SGMS1: variants seen among roughly 807,000 people sequenced by gnomAD.
SGMS1 encodes the protein phosphatidylcholine:ceramide cholinephosphotransferase 1.
Under a neutral mutation model 46.2 loss-of-function variants are expected in SGMS1, and 13 were observed. The ratio of observed to expected loss-of-function variants is 0.28; its 90% confidence interval spans 0.18 to 0.45. SGMS1 has a LOEUF of 0.45. Among genes scored for constraint, SGMS1 ranks in the 20% least tolerant of loss-of-function variants. The pLI is 1.00. For synonymous variants in SGMS1, 203 were observed against 187.8 expected (o/e 1.08, Z -0.66); for missense variants, 324 against 519.9 (o/e 0.62, Z 3.66).
At chr10:50,514,602 A>G (rs929367359) in intron 3 of SGMS1, among the ~76,000 whole-genome samples, 3 of 152,220 alleles carry the variant, frequency 2.0e-5, no homozygotes, top group Non-Finnish European at 1.5e-5. Context: ...AGGTCATGCC[A>G]CATCTTTGGG....
intron 3 of SGMS1, among the ~76,000 whole-genome samples, chr10:50,488,154 T>G (rs1198942013): frequency 6.6e-6 from 1 of 151,778 alleles, no homozygotes; most frequent in Non-Finnish European, 1.5e-5. Context: ...GCTGGGATTA[T>G]AAGCGCCCGC....
In SGMS1 at chr10:50,458,127, C is replaced by T. The variant is rs549984446; in HGVS notation, c.-313+2546G>A. ...ACCTCGTTGATGAACAACACCAAGC[C>T]CATCTAGAAGCTTTCGCTTCTGTGA... On this transcript the variant is annotated intron_variant, in intron 5 of 10. Coordinates refer to ENST00000361781, the MANE Select transcript of SGMS1 (RefSeq NM_147156.4). 2.5e-4 allele frequency among the ~76,000 whole-genome samples: 38 copies of T among 152,304 alleles called. 1 individual carries two copies. The highest frequency in any genetic ancestry group is 3.4e-3 in the Middle Eastern group (1 of 294).
chr10:50,548,447 A>G (rs1371262293), intron 2 of SGMS1, among the ~76,000 whole-genome samples: 1 of 152,232 alleles, frequency 6.6e-6, no homozygotes, highest in Non-Finnish European at 1.5e-5. Flanking sequence ...CCTGACAAAA[A>G]CAAGCAATGG....
intron 2 of SGMS1, among the ~76,000 whole-genome samples, chr10:50,551,675 A>G (rs188441912): frequency 4.5e-4 from 69 of 152,188 alleles, no homozygotes; most frequent in African/African-American, 1.3e-3. Flanking sequence ...AAAGTATTCT[A>G]AAATTAAAAG....
chr10:50,451,594 C>T (rs769931793), intron 5 of SGMS1, among the ~76,000 whole-genome samples: 36 of 152,096 alleles, frequency 2.4e-4, no homozygotes, highest in Non-Finnish European at 5.0e-4. Flanking sequence ...TCAGAGAGGA[C>T]TACTTGCATT....
chr10:50,546,101 A>T (rs1237070808), intron 2 of SGMS1, among the ~76,000 whole-genome samples: 1 of 152,140 alleles, frequency 6.6e-6, no homozygotes, highest in Non-Finnish European at 1.5e-5. Context: ...AGACTGCTTG[A>T]TGGCCACCAG....
intron 3 of SGMS1, among the ~76,000 whole-genome samples, chr10:50,485,649 C>T (rs896331647): frequency 1.3e-5 from 2 of 152,154 alleles, no homozygotes; most frequent in African/African-American, 4.8e-5. Context: ...CCCATAATCC[C>T]AGCACTTTGG....
chr10:50,419,999 A>T (rs1161681404), intron 6 of SGMS1, among the ~76,000 whole-genome samples: 1 of 152,234 alleles, frequency 6.6e-6, no homozygotes, highest in East Asian at 1.9e-4. Flanking sequence ...CAGCTCTGCC[A>T]GTAAGTGACA....
At chr10:50,369,911 GTATAGCC>G (rs1848408276) in intron 6 of SGMS1, among the ~76,000 whole-genome samples, 1 of 152,206 alleles carries the variant, frequency 6.6e-6, no homozygotes, top group Admixed American at 6.5e-5. Context: ...AGGCTGTATG[GTATAGCC>G]TATTGCTTCT....
At chr10:50,540,219 A>G (rs981294120) in intron 2 of SGMS1, among the ~76,000 whole-genome samples, 7 of 152,208 alleles carry the variant, frequency 4.6e-5, no homozygotes, top group African/African-American at 1.7e-4. Flanking sequence ...AGAAATGTCA[A>G]ATAGGTTTCA....
chr10:50,532,844 G>A (rs1217186680), intron 2 of SGMS1, among the ~76,000 whole-genome samples: 1 of 152,182 alleles, frequency 6.6e-6, no homozygotes, highest in Non-Finnish European at 1.5e-5. Flanking sequence ...TGTGACTGCA[G>A]AATAGACTGA....
chr10:50,402,989 G>A (rs55861418), intron 6 of SGMS1, among the ~76,000 whole-genome samples: 28,815 of 151,956 alleles, frequency 0.19, 2,948 homozygotes, highest in Admixed American at 0.24. Flanking sequence ...TTGGCTTTCC[G>A]TTCCTGAGTT....
At chr10:50,503,581 A>G (rs1481499609) in intron 3 of SGMS1, among the ~76,000 whole-genome samples, 1 of 151,502 alleles carries the variant, frequency 6.6e-6, no homozygotes, top group Non-Finnish European at 1.5e-5. Flanking sequence ...AAACGGCCCC[A>G]CCCCTATCTC....
chr10:50,399,368 C>G (rs1323091973), intron 6 of SGMS1, among the ~76,000 whole-genome samples: 1 of 151,932 alleles, frequency 6.6e-6, no homozygotes, highest in African/African-American at 2.4e-5. Flanking sequence ...ATAGAATATG[C>G]AACTATTGAA....
rs1409197019 is a variant in SGMS1, at chr10:50,590,154, T to C, written c.-590A>G. ...AGCTGCATAGAAATATTTACTTACC[T>C]TTCAAATGATGGCTGTCTTCTTTCT... On this transcript the variant is annotated splice_region_variant and 5_prime_UTR_variant, in exon 2 of 11. Transcript: ENST00000361781. 1.3e-5 allele frequency: 2 copies of C among 152,346 alleles called. No homozygotes were observed. Among genetic ancestry groups the C allele is most frequent in the African/African-American group, 4.8e-5 (2 of 41,456 alleles). 9.4% of individuals were successfully genotyped at this position (152,346 alleles called of 1,614,324 possible).
chr10:50,535,918 GTAGT>G (rs1837996799), intron 2 of SGMS1, among the ~76,000 whole-genome samples: 1 of 152,158 alleles, frequency 6.6e-6, no homozygotes, highest in African/African-American at 2.4e-5. Context: ...CTAGACAAAT[GTAGT>G]TAGTATTACT....
intron 5 of SGMS1, among the ~76,000 whole-genome samples, chr10:50,459,683 C>T (rs756000804): frequency 2.6e-5 from 4 of 152,186 alleles, no homozygotes; most frequent in African/African-American, 7.2e-5. Context: ...GGATTACAGG[C>T]GTGAGCCACC....
At chr10:50,489,025 T>C (rs1314615571) in intron 3 of SGMS1, among the ~76,000 whole-genome samples, 6 of 152,210 alleles carry the variant, frequency 3.9e-5, no homozygotes, top group Non-Finnish European at 8.8e-5. Context: ...TCATTAAATA[T>C]GTTCCAAAAA....
chr10:50,558,249 C>A (rs1468392096), intron 2 of SGMS1, among the ~76,000 whole-genome samples: 1 of 152,136 alleles, frequency 6.6e-6, no homozygotes, highest in Admixed American at 6.5e-5. Context: ...GTTAATGGGT[C>A]AACGAACTCT....
Sources: allele counts gnomAD v4.1 joint callset (sites outside exome capture counted in the v4.1 genomes callset), GRCh38; gene constraint gnomAD v4.1.1; transcripts MANE v1.5; gene names NCBI Gene and HGNC (gene_info 2026-07-23, HGNC 2026-07-21).